The following PIAS4 variants were observed in gnomAD, a reference collection of about 807,000 sequenced individuals.
PIAS4 encodes the protein E3 SUMO-protein ligase PIAS4.
In PIAS4, 7 loss-of-function variants were observed where a neutral mutation model predicts 58.0. That is an observed-to-expected ratio of 0.12 (90% CI 0.07 to 0.23). The LOEUF is 0.23. Among genes scored for constraint, PIAS4 ranks in the 10% least tolerant of loss-of-function variants. The probability of loss-of-function intolerance (pLI) is 1.00; values close to 1 mark genes in which losing one functional copy is unlikely to be tolerated. For synonymous variants in PIAS4, 364 were observed against 312.4 expected (o/e 1.17, Z -1.74); for missense variants, 550 against 709.5 (o/e 0.78, Z 2.55).
intron 7 of PIAS4, among the ~76,000 whole-genome samples, chr19:4,030,181 G>GAAACCCCATCTCTACTAAAAA (rs1568219077): frequency 6.0e-5 from 9 of 149,546 alleles, no homozygotes; most frequent in Non-Finnish European, 6.0e-5. Context: ...CAGGCTGGTC[G>GAAACCCCATCTCTACTAAAAA]TAAACTCCTG....
intron 7 of PIAS4, among the ~76,000 whole-genome samples, chr19:4,031,716 C>A (rs1380626769): frequency 6.6e-6 from 1 of 152,240 alleles, no homozygotes; most frequent in East Asian, 1.9e-4. Context: ...CCTGCTGCTT[C>A]CCACAGCCGG....
chr19:4,020,002 C>T (rs373576069), intron 2 of PIAS4, among the ~76,000 whole-genome samples: 42 of 152,044 alleles, frequency 2.8e-4, no homozygotes, highest in African/African-American at 9.4e-4. Context: ...CTGCAAGCTC[C>T]GCCTCCCAGG....
chr19:4,020,679 C>T (rs966229477), intron 2 of PIAS4, among the ~76,000 whole-genome samples: 1 of 152,104 alleles, frequency 6.6e-6, no homozygotes, highest in Non-Finnish European at 1.5e-5. Flanking sequence ...AGGCTGGTCT[C>T]GAACTTCTGA....
chr19:4,021,184 A>C (rs1218635894), intron 2 of PIAS4, among the ~76,000 whole-genome samples: 1 of 151,688 alleles, frequency 6.6e-6, no homozygotes, highest in Non-Finnish European at 1.5e-5. Context: ...ACAGAGCCTC[A>C]CTCTGTCACC....
chr19:4,019,599 C>G (rs985211388), intron 2 of PIAS4, among the ~76,000 whole-genome samples: 3 of 152,226 alleles, frequency 2.0e-5, no homozygotes, highest in Non-Finnish European at 4.4e-5. Context: ...CCCGTGCAGC[C>G]TCCCTGCCCC....
In PIAS4 at chr19:4,013,433, T is replaced by A. The variant is rs886530848; in HGVS notation, c.454+84T>A. 1 of 1,242,034 alleles carries A rather than the reference T, an allele frequency of 8.1e-7. No homozygotes were observed. Among genetic ancestry groups the A allele is most frequent in the Non-Finnish European group, 1.1e-6 (1 of 879,288 alleles). The allele number at this position is 1,242,034 out of a possible 1,614,324, so 76.9% of individuals were successfully genotyped here. ...GCCCAGCCCAGCCACACAGCCGACT[T>A]CGAGTGATGTTCTCTGTGGCGCAGC... On this transcript the variant is annotated intron_variant, in intron 2 of 10. Transcript: ENST00000262971. This position sits in a 1 kb window ranked among gnomAD's most constrained non-coding sequence, Gnocchi z 5.1.
In PIAS4 at chr19:4,013,914, A is replaced by G. The variant is rs951217947; in HGVS notation, c.454+565A>G. ...TCGGACACGCCTCGCCATCTCCCCC[A>G]CAGAGTCCGTTGCTCACACAGACTC... On this transcript the variant is annotated intron_variant, in intron 2 of 10. Coordinates refer to ENST00000262971, the MANE Select transcript of PIAS4 (RefSeq NM_015897.4). This position sits in a 1 kb window ranked among gnomAD's most constrained non-coding sequence, Gnocchi z 5.1. Among the ~76,000 whole-genome samples the G allele has an allele frequency of 1.3e-5, 2 of 151,840 alleles. No individual in the cohort carries two copies. Among genetic ancestry groups the G allele is most frequent in the Admixed American group, 1.3e-4 (2 of 15,270 alleles).
chr19:4,020,430 C>T (rs971930677), intron 2 of PIAS4, among the ~76,000 whole-genome samples: 2 of 152,148 alleles, frequency 1.3e-5, no homozygotes, highest in African/African-American at 4.8e-5. Flanking sequence ...TTCTAAAGGG[C>T]TTGCCTGTCA....
At chr19:4,022,660 C>T (rs2040122002) in intron 2 of PIAS4, among the ~76,000 whole-genome samples, 1 of 151,816 alleles carries the variant, frequency 6.6e-6, no homozygotes. Flanking sequence ...GCCACCGCGC[C>T]TGGCCGTTTG....
At position 4,037,367 on chromosome 19, in the gene PIAS4, G is replaced by A. The variant is rs760336302; in HGVS notation, c.1143-7G>A. ...AGCCCCGGCGTCAGCTGTCCGCCTCGCCCCAGGCTCCTCTCGAAGATCCTG... is the reference window on the plus strand; with the variant it reads ...AGCCCCGGCGTCAGCTGTCCGCCTCACCCCAGGCTCCTCTCGAAGATCCTG... On this transcript the variant is annotated splice_polypyrimidine_tract_variant and splice_region_variant and intron_variant, in intron 9 of 10. Coordinates refer to ENST00000262971, the MANE Select transcript of PIAS4 (RefSeq NM_015897.4). The surrounding 1 kb of genome is among the most constrained non-coding windows in gnomAD (Gnocchi z 5.8). The A allele has an allele frequency of 3.7e-5, 59 of 1,597,918 alleles. 1 individual carries two copies. The highest frequency in any genetic ancestry group is 8.8e-5 in the South Asian group (8 of 90,650).
rs548750274 is a variant in PIAS4 at position 4,016,313 on chromosome 19, C to A, written c.454+2964C>A. On this transcript the variant is annotated intron_variant, in intron 2 of 10. Coordinates refer to ENST00000262971, the MANE Select transcript of PIAS4 (RefSeq NM_015897.4). ...CAGGGTCTTGGCCCGCAGCGGGCACCCCGAGGAATCTGCCTGCCCACCCGC... is the reference window on the plus strand; with the variant it reads ...CAGGGTCTTGGCCCGCAGCGGGCACACCGAGGAATCTGCCTGCCCACCCGC... Among the ~76,000 whole-genome samples, 3 of 152,348 alleles carry A rather than the reference C, an allele frequency of 2.0e-5. No homozygotes were observed. In the East Asian group the frequency reaches 5.8e-4, roughly 29 times the overall value.
intron 3 of PIAS4, among the ~76,000 whole-genome samples, chr19:4,027,207 C>T (rs576888973): frequency 2.6e-5 from 4 of 152,146 alleles, no homozygotes; most frequent in African/African-American, 7.2e-5. Flanking sequence ...AGGCTTGTCT[C>T]GAACTCCTGA....
rs376036814 is a variant in PIAS4, at chr19:4,039,287, C to T, written c.*1412C>T. 1 of 152,404 alleles carries T rather than the reference C, an allele frequency of 6.6e-6. No individual in the cohort carries two copies. Among genetic ancestry groups the T allele is most frequent in the Admixed American group, 6.5e-5 (1 of 15,310 alleles). 9.4% of individuals were successfully genotyped at this position (152,404 alleles called of 1,614,324 possible). On this transcript the variant is annotated 3_prime_UTR_variant, in exon 11 of 11. Coordinates refer to ENST00000262971, the MANE Select transcript of PIAS4 (RefSeq NM_015897.4). ...CAGCCCGCTGCGCAGCTCGGCCCCT[C>T]CCGCCCGCACGGGCAGCTGAAGGCC...
At chr19:4,019,433 C>T (rs1433392909) in intron 2 of PIAS4, among the ~76,000 whole-genome samples, 1 of 152,202 alleles carries the variant, frequency 6.6e-6, no homozygotes, top group Admixed American at 6.5e-5. Context: ...CAGGCATGGG[C>T]TGGCAACAAT....
chr19:4,027,627 A>G lies in PIAS4; in HGVS notation c.540-519A>G, dbSNP rs150645472. Among the ~76,000 whole-genome samples, 631 of 148,454 alleles carry G rather than the reference A, an allele frequency of 4.3e-3. 5 individuals are homozygous for G. The highest frequency in any genetic ancestry group is 0.015 in the African/African-American group (615 of 40,164). On this transcript the variant is annotated intron_variant, in intron 3 of 10. Transcript: ENST00000262971. ...ACCCAGGCTGGAGTGCAGTGGTGCA[A>G]TCATAGCTTGCAGCCTGTGCCTCCA...
chr19:4,031,281 C>T (rs192639907), intron 7 of PIAS4, among the ~76,000 whole-genome samples: 143 of 152,316 alleles, frequency 9.4e-4, no homozygotes, highest in Non-Finnish European at 1.6e-3. Flanking sequence ...TTGAAGCCTC[C>T]TGTGCACTCC....
chr19:4,009,542 T>C (rs796231435), intron 1 of PIAS4, among the ~76,000 whole-genome samples: 7 of 152,152 alleles, frequency 4.6e-5, no homozygotes, highest in African/African-American at 1.7e-4. Context: ...TGATGAACTT[T>C]CCTTAACCCT....
chr19:4,034,019 T>G lies in PIAS4; in HGVS notation c.1142+439T>G, dbSNP rs2040251195. Reference sequence around the variant, plus strand: ...ACTCTGGCTACGCCATGCCCTTCCCTTCCTAGGTGGCACAGCTGTGGCCAG... The same window carrying G: ...ACTCTGGCTACGCCATGCCCTTCCCGTCCTAGGTGGCACAGCTGTGGCCAG... On this transcript the variant is annotated intron_variant, in intron 9 of 10. Coordinates refer to ENST00000262971, the MANE Select transcript of PIAS4 (RefSeq NM_015897.4). Among the ~76,000 whole-genome samples, 2 of 152,184 alleles carry G rather than the reference T, an allele frequency of 1.3e-5. 1 individual carries two copies. Among genetic ancestry groups the G allele is most frequent in the South Asian group, 4.1e-4 (2 of 4,836 alleles).
At chr19:4,024,678 T>C (rs1298329049) in intron 3 of PIAS4, among the ~76,000 whole-genome samples, 3 of 151,996 alleles carry the variant, frequency 2.0e-5, no homozygotes, top group African/African-American at 7.3e-5. Context: ...TCCCAGGAGC[T>C]GGGGGTCCCC....
Sources: gnomAD v4.1 joint callset for allele counts (sites outside exome capture counted in the v4.1 genomes callset) on GRCh38, gnomAD v4.1.1 for gene constraint, Gnocchi (gnomAD v3.1) non-coding constraint, MANE v1.5 for transcripts, NCBI Gene and HGNC (gene_info 2026-07-23, HGNC 2026-07-21) for gene names.